ZNF567: variants seen among roughly 807,000 people sequenced by gnomAD.
ZNF567 encodes zinc finger protein 567.
A neutral mutation model predicts 53.9 loss-of-function variants in ZNF567; 36 were observed. The observed-to-expected ratio is 0.67, with a 90% CI of 0.51 to 0.88. The LOEUF (loss-of-function observed/expected upper bound fraction) is 0.88. Ranked by LOEUF, ZNF567 falls within the 40% of genes least tolerant of loss-of-function variation. ZNF567 has a pLI of 0.00. For missense variants in ZNF567, 619 were observed against 764.7 expected (o/e 0.81, Z 2.25); for synonymous variants, 224 against 260.4 (o/e 0.86, Z 1.35).
intron 5 of ZNF567, among the ~76,000 whole-genome samples, chr19:36,715,494 AATAATAATAATAATAATTATTATTATT>A (rs1371551462): frequency 1.8e-4 from 14 of 77,844 alleles, no homozygotes; most frequent in Non-Finnish European, 2.9e-4. Context: ...TAATAATAAT[AATAATAATAATAATAATTATTATTATT>A]ATTATTATTA....
intron 3 of ZNF567, among the ~76,000 whole-genome samples, chr19:36,704,792 G>A (rs149659490): frequency 7.9e-5 from 12 of 152,136 alleles, no homozygotes; most frequent in African/African-American, 2.6e-4. Flanking sequence ...TTTCTTAAAC[G>A]TTTGTTAGAA....
chr19:36,716,343 C>T (rs765889536), intron 5 of ZNF567, among the ~76,000 whole-genome samples: 1 of 152,222 alleles, frequency 6.6e-6, no homozygotes, highest in Non-Finnish European at 1.5e-5. Flanking sequence ...CAAGATTTCT[C>T]TGTGAAATCT....
chr19:36,710,989 G>T (rs911071483), intron 3 of ZNF567, among the ~76,000 whole-genome samples: 1 of 152,136 alleles, frequency 6.6e-6, no homozygotes, highest in Non-Finnish European at 1.5e-5. Flanking sequence ...GAGTTTGGCA[G>T]AGTTTATGCT....
chr19:36,694,191 G>C (rs993460749), intron 2 of ZNF567, among the ~76,000 whole-genome samples: 1 of 151,978 alleles, frequency 6.6e-6, no homozygotes, highest in Non-Finnish European at 1.5e-5. Context: ...GTCTCTAAAA[G>C]AGAAAAATTA....
At chr19:36,695,647 A>G (rs1014351864) in intron 3 of ZNF567, among the ~76,000 whole-genome samples, 3 of 151,956 alleles carry the variant, frequency 2.0e-5, no homozygotes, top group East Asian at 1.9e-4. Context: ...ACAATGAGCC[A>G]TGATGTCACT....
chr19:36,668,917 A>T, the ZNF567 span: 1 of 152,304 alleles, frequency 6.6e-6, no homozygotes, highest in South Asian at 2.1e-4. Context: ...TGGGTCTTGC[A>T]TTGTGGATTC....
At chr19:36,699,705 A>G (rs2039074050) in intron 3 of ZNF567, among the ~76,000 whole-genome samples, 1 of 152,114 alleles carries the variant, frequency 6.6e-6, no homozygotes, top group Admixed American at 6.6e-5. Context: ...GCGTTCACTC[A>G]TGATTTGGCT....
chr19:36,683,153 C>G (rs1342345419), upstream of ZNF567, among the ~76,000 whole-genome samples: 1 of 151,682 alleles, frequency 6.6e-6, no homozygotes, highest in Non-Finnish European at 1.5e-5. Flanking sequence ...CTCACTACAG[C>G]CTCAATATCC....
At chr19:36,715,507 A>AT (rs1301494527) in intron 5 of ZNF567, among the ~76,000 whole-genome samples, 2,896 of 25,768 alleles carry the variant, frequency 0.11, 54 homozygotes, top group East Asian at 0.18. Flanking sequence ...AATAATAATA[A>AT]TAATTATTAT....
At chr19:36,722,949 C>G (rs1387637047), downstream of ZNF567, among the ~76,000 whole-genome samples, 1 of 149,318 alleles carries the variant, frequency 6.7e-6, no homozygotes, top group African/African-American at 2.6e-5. Flanking sequence ...TTTATATATG[C>G]ATAAAGATTT....
chr19:36,684,915 T>A (rs560948065), upstream of ZNF567, among the ~76,000 whole-genome samples: 5 of 152,284 alleles, frequency 3.3e-5, no homozygotes, highest in South Asian at 1.0e-3. Flanking sequence ...CCCTGAAGTT[T>A]CCCTAATCAA....
At chr19:36,717,768 A>T (rs988630401) in intron 5 of ZNF567, among the ~76,000 whole-genome samples, 2 of 152,206 alleles carry the variant, frequency 1.3e-5, no homozygotes, top group African/African-American at 4.8e-5. Context: ...CTGATTTAGG[A>T]CCAGATTGTT....
intron 5 of ZNF567, among the ~76,000 whole-genome samples, chr19:36,713,795 T>TAAAAATACAAAA (rs2039907973): frequency 6.6e-6 from 1 of 151,952 alleles, no homozygotes; most frequent in South Asian, 2.1e-4. Flanking sequence ...ATTAGCTGGG[T>TAAAAATACAAAA]GTGGTGGCAC....
chr19:36,683,526 A>G (rs898409721), upstream of ZNF567, among the ~76,000 whole-genome samples: 3 of 151,456 alleles, frequency 2.0e-5, no homozygotes, highest in African/African-American at 7.3e-5. Context: ...TTTCTACTGG[A>G]TTGGTGGATT....
chr19:36,720,738 C>A lies in ZNF567; in HGVS notation c.*70C>A. Reference sequence around the variant, plus strand: ...ATTTAGTTTTAAAAAGAAAAGCATGCTGAAACATGTTAATGTAATTTTAAA... The same window carrying A: ...ATTTAGTTTTAAAAAGAAAAGCATGATGAAACATGTTAATGTAATTTTAAA... On this transcript the variant is annotated 3_prime_UTR_variant, in exon 6 of 6. Coordinates refer to ENST00000682579, the MANE Select transcript of ZNF567 (RefSeq NM_001322917.1). The A allele has an allele frequency of 7.5e-7, 1 of 1,334,690 alleles. No individual in the cohort carries two copies. Among genetic ancestry groups the A allele is most frequent in the Non-Finnish European group, 1.0e-6 (1 of 994,484 alleles). The allele number at this position is 1,334,690 out of a possible 1,614,324, so 82.7% of individuals were successfully genotyped here. A position where few individuals can be genotyped will look rare whatever the true frequency, so the allele number is the denominator to read the frequency against.
intron 3 of ZNF567, among the ~76,000 whole-genome samples, chr19:36,702,198 G>A (rs1268594161): frequency 6.6e-6 from 1 of 151,966 alleles, no homozygotes; most frequent in East Asian, 1.9e-4. Flanking sequence ...TAGTTTGGCT[G>A]GATATGAAAT....
At chr19:36,726,861 A>C (rs1247969136), downstream of ZNF567, among the ~76,000 whole-genome samples, 1 of 152,112 alleles carries the variant, frequency 6.6e-6, no homozygotes, top group African/African-American at 2.4e-5. Context: ...CCTGGCAGGG[A>C]GGTCAGAGTA....
At chr19:36,709,581 C>T (rs894394586) in intron 3 of ZNF567, among the ~76,000 whole-genome samples, 7 of 152,046 alleles carry the variant, frequency 4.6e-5, no homozygotes, top group African/African-American at 1.4e-4. Flanking sequence ...CTTCCTGCCT[C>T]AGCCCCACAA....
chr19:36,718,827 C>A, intron 5 of ZNF567, 121 bp from the exon 6 acceptor site: 1 of 722,680 alleles, frequency 1.4e-6, no homozygotes, highest in Non-Finnish European at 2.2e-6. Context: ...GCACCCCTGC[C>A]AGGCCAGTGG....
Sources: allele counts gnomAD v4.1 joint callset (sites outside exome capture counted in the v4.1 genomes callset), GRCh38; gene constraint gnomAD v4.1.1; transcripts MANE v1.5; gene names NCBI Gene and HGNC (gene_info 2026-07-23, HGNC 2026-07-21).